The following CADPS variants were observed in gnomAD, a reference collection of about 807,000 sequenced individuals.
CADPS encodes calcium dependent secretion activator.
In CADPS, 57 loss-of-function variants were observed where a neutral mutation model predicts 167.3. That is an observed-to-expected ratio of 0.34 (90% CI 0.28 to 0.42). The LOEUF (loss-of-function observed/expected upper bound fraction) is 0.42, where lower values mean the gene tolerates loss of function less well. Among genes scored for constraint, CADPS ranks in the 20% least tolerant of loss-of-function variants. The probability of loss-of-function intolerance (pLI) is 1.00; values close to 1 mark genes in which losing one functional copy is unlikely to be tolerated. For synonymous variants in CADPS, 676 were observed against 635.3 expected (o/e 1.06, Z -0.96); for missense variants, 1,414 against 1,738.1 (o/e 0.81, Z 3.32).
intron 26 of CADPS, among the ~76,000 whole-genome samples, chr3:62,451,476 A>C (rs1287096720): frequency 2.1e-5 from 3 of 141,278 alleles, no homozygotes; most frequent in Non-Finnish European, 4.6e-5. Context: ...ATGCACAGAC[A>C]AAAAAAAAAA....
At position 62,824,879 on chromosome 3, in the gene CADPS, T is replaced by C. The variant is rs144562158; in HGVS notation, c.441+49710A>G. On this transcript the variant is annotated intron_variant, in intron 1 of 29. Coordinates refer to ENST00000383710, the MANE Select transcript of CADPS (RefSeq NM_003716.4). The stretch of plus-strand genomic sequence containing the variant: ...TCCTTCTCCCACATTCTCTCCCACA[T>C]ACACATGCTACAAAACTGTGTATTA... 2.8e-3 allele frequency among the ~76,000 whole-genome samples: 424 copies of C among 152,216 alleles called. 5 individuals are homozygous for C. The highest frequency in any genetic ancestry group is 9.8e-3 in the African/African-American group (406 of 41,550).
At chr3:62,649,567 T>G (rs1579600707) in intron 5 of CADPS, among the ~76,000 whole-genome samples, 1 of 136,372 alleles carries the variant, frequency 7.3e-6, no homozygotes, top group East Asian at 2.2e-4. Context: ...TTTTTTTTTT[T>G]TTTTTTTTTT....
chr3:62,615,713 A>G (rs1169648544), intron 6 of CADPS, among the ~76,000 whole-genome samples: 1 of 152,130 alleles, frequency 6.6e-6, no homozygotes, highest in South Asian at 2.1e-4. Flanking sequence ...CACACCCCCA[A>G]TACACACCCA....
At chr3:62,404,891 C>T (rs1037562911) in intron 28 of CADPS, 2 of 146,426 alleles carry the variant, frequency 1.4e-5, no homozygotes, top group African/African-American at 5.0e-5. Flanking sequence ...GGGGTGAGAA[C>T]ATTTTACTGA....
Position 62,420,656 on chromosome 3 carries a change from G to A in CADPS, c.3777+17448C>T, listed in dbSNP as rs984364350. ...GGGAGTCTAGAAAACAGGTTCTGAT[G>A]CCTGGGGCCCAGGAATGAGGAAAAT... On this transcript the variant is annotated intron_variant, in intron 28 of 29. Coordinates refer to ENST00000383710, the MANE Select transcript of CADPS (RefSeq NM_003716.4). The surrounding 1 kb of genome is among the most constrained non-coding windows in gnomAD (Gnocchi z 4.1). Among the ~76,000 whole-genome samples, 26 of 152,162 alleles carry A rather than the reference G, an allele frequency of 1.7e-4. No homozygotes were observed. Among genetic ancestry groups the A allele is most frequent in the African/African-American group, 6.3e-4 (26 of 41,432 alleles).
intron 10 of CADPS, among the ~76,000 whole-genome samples, chr3:62,552,964 G>A (rs1231588426): frequency 6.6e-6 from 1 of 152,088 alleles, no homozygotes; most frequent in Admixed American, 6.5e-5. Flanking sequence ...ACAATAAAAA[G>A]GAAAATTCTG....
At chr3:62,751,701 A>T (rs1229067280) in intron 3 of CADPS, among the ~76,000 whole-genome samples, 3 of 152,168 alleles carry the variant, frequency 2.0e-5, no homozygotes, top group African/African-American at 7.2e-5. Flanking sequence ...GATTACAGGC[A>T]TGAGCCACCG....
chr3:62,572,843 G>A (rs1446741742), intron 8 of CADPS, among the ~76,000 whole-genome samples: 1 of 152,100 alleles, frequency 6.6e-6, no homozygotes, highest in Non-Finnish European at 1.5e-5. Context: ...ATAAAGTGGT[G>A]TAGTATTTGC....
intron 3 of CADPS, among the ~76,000 whole-genome samples, chr3:62,743,994 A>C (rs1275817719): frequency 1.3e-5 from 2 of 152,154 alleles, no homozygotes; most frequent in African/African-American, 2.4e-5. Flanking sequence ...AAAGATGACT[A>C]CTTAGGAGCT....
At chr3:62,494,685 T>TTTTTTTTG (rs2064348166) in intron 18 of CADPS, among the ~76,000 whole-genome samples, 4 of 150,642 alleles carry the variant, frequency 2.7e-5, no homozygotes, top group Admixed American at 6.6e-5. Context: ...TTTTTTTTTT[T>TTTTTTTTG]GGACGGAGTT....
intron 13 of CADPS, among the ~76,000 whole-genome samples, chr3:62,531,119 G>A (rs1159736574): frequency 6.6e-6 from 1 of 152,114 alleles, no homozygotes; most frequent in African/African-American, 2.4e-5. Context: ...TCATGATGAT[G>A]TTTACCAGGG....
At chr3:62,590,446 T>G (rs1373332417) in intron 7 of CADPS, among the ~76,000 whole-genome samples, 2 of 152,232 alleles carry the variant, frequency 1.3e-5, no homozygotes, top group African/African-American at 4.8e-5. Context: ...GTATCGTTTC[T>G]CAAAGAAAAC....
intron 6 of CADPS, 134 bp downstream of exon 6, chr3:62,645,588 T>G: frequency 1.1e-6 from 1 of 929,716 alleles, no homozygotes; most frequent in Non-Finnish European, 1.6e-6. Context: ...GCAAGTCATC[T>G]TGTTTGAAAA....
chr3:62,758,249 G>C (rs1163876686), intron 2 of CADPS, among the ~76,000 whole-genome samples: 1 of 152,178 alleles, frequency 6.6e-6, no homozygotes. Flanking sequence ...ATCAAACTGA[G>C]AAGACTTTGA....
Position 62,848,105 on chromosome 3 carries a change from C to T in CADPS, c.441+26484G>A, listed in dbSNP as rs927955387. Among the ~76,000 whole-genome samples the T allele has an allele frequency of 2.3e-4, 32 of 141,684 alleles. 1 individual carries two copies. Among genetic ancestry groups the T allele is most frequent in the South Asian group, 1.9e-3 (9 of 4,630 alleles). The allele number at this position is 141,684 out of a possible 152,430, so 93.0% of individuals were successfully genotyped here. The stretch of plus-strand genomic sequence containing the variant: ...TAGAGAAGTGTCTGTTCATGTCCTT[C>T]GCCCACTTTTTGATGGGGTTGTTCG... On this transcript the variant is annotated intron_variant, in intron 1 of 29. Transcript: ENST00000383710.
intron 3 of CADPS, among the ~76,000 whole-genome samples, chr3:62,736,277 A>G (rs2078980280): frequency 6.6e-6 from 1 of 152,236 alleles, no homozygotes; most frequent in South Asian, 2.1e-4. Context: ...CTAAATTAGC[A>G]TGAAGAGAAA....
At chr3:62,571,437 T>C (rs1366308902) in intron 8 of CADPS, among the ~76,000 whole-genome samples, 1 of 152,130 alleles carries the variant, frequency 6.6e-6, no homozygotes, top group African/African-American at 2.4e-5. Flanking sequence ...CCCACTTCCT[T>C]CCTCCTTCTC....
chr3:62,587,410 T>C (rs17066668), intron 7 of CADPS, among the ~76,000 whole-genome samples: 11,159 of 152,174 alleles, frequency 0.073, 542 homozygotes, highest in East Asian at 0.28. Context: ...ATGTACCACA[T>C]CCCGAGGCCT....
At chr3:62,867,531 G>A (rs2081925573) in intron 1 of CADPS, among the ~76,000 whole-genome samples, 1 of 152,060 alleles carries the variant, frequency 6.6e-6, no homozygotes, top group African/African-American at 2.4e-5. Flanking sequence ...TGAAAGAACA[G>A]AGATGTATTG....
Sources: allele counts gnomAD v4.1 joint callset (sites outside exome capture counted in the v4.1 genomes callset), GRCh38; gene constraint gnomAD v4.1.1; non-coding constraint Gnocchi (gnomAD v3.1); transcripts MANE v1.5; gene names NCBI Gene and HGNC (gene_info 2026-07-23, HGNC 2026-07-21).